PHTF2: variants seen among roughly 807,000 people sequenced by gnomAD.
PHTF2 encodes protein PHTF2.
A neutral mutation model predicts 101.2 loss-of-function variants in PHTF2; 60 were observed. That is an observed-to-expected ratio of 0.59 (90% CI 0.48 to 0.73). The LOEUF is 0.73. Among genes scored for constraint, PHTF2 ranks in the 30% least tolerant of loss-of-function variants. The pLI is 0.00. For synonymous variants in PHTF2, 311 were observed against 307.3 expected (o/e 1.01, Z -0.13); for missense variants, 747 against 908.7 (o/e 0.82, Z 2.29).
chr7:77,832,998 G>GT (rs142839828), intron 1 of PHTF2, among the ~76,000 whole-genome samples: 2 of 152,116 alleles, frequency 1.3e-5, no homozygotes, highest in South Asian at 2.1e-4. Flanking sequence ...TAGGACAATC[G>GT]TAACAGTATA....
intron 1 of PHTF2, among the ~76,000 whole-genome samples, chr7:77,805,739 T>C (rs1288022339): frequency 1.3e-5 from 2 of 152,246 alleles, no homozygotes; most frequent in Non-Finnish European, 2.9e-5. Context: ...TCTAACTTGA[T>C]TTCGCTCTGG....
At chr7:77,934,619 G>A (rs1005957384) in intron 12 of PHTF2, among the ~76,000 whole-genome samples, 4 of 151,992 alleles carry the variant, frequency 2.6e-5, no homozygotes, top group African/African-American at 9.7e-5. Context: ...TGTCTTCAAA[G>A]GTAAAAAAAA....
intron 3 of PHTF2, among the ~76,000 whole-genome samples, chr7:77,855,676 C>T (rs937452381): frequency 6.6e-6 from 1 of 152,126 alleles, no homozygotes; most frequent in African/African-American, 2.4e-5. Flanking sequence ...GGATGATACC[C>T]CTCTGCCTAG....
At chr7:77,904,587 A>T (rs1052674157) in intron 7 of PHTF2, among the ~76,000 whole-genome samples, 1 of 152,194 alleles carries the variant, frequency 6.6e-6, no homozygotes, top group African/African-American at 2.4e-5. Flanking sequence ...TGACTTGTAG[A>T]TGTCCACCTT....
chr7:77,884,453 G>C (rs1799659752), intron 3 of PHTF2, among the ~76,000 whole-genome samples: 1 of 151,916 alleles, frequency 6.6e-6, no homozygotes, highest in African/African-American at 2.4e-5. Context: ...ACTACCCATA[G>C]CTTAGCTCCC....
chr7:77,943,988 C>G (rs886818188), intron 16 of PHTF2, among the ~76,000 whole-genome samples: 1 of 151,794 alleles, frequency 6.6e-6, no homozygotes. Flanking sequence ...GGGGATACAG[C>G]AAGACTCTGT....
chr7:77,953,493 G>A (rs1806730024), intron 18 of PHTF2, among the ~76,000 whole-genome samples: 1 of 152,116 alleles, frequency 6.6e-6, no homozygotes, highest in Non-Finnish European at 1.5e-5. Flanking sequence ...ATTAAAAAAT[G>A]TTCTCTAGCC....
At position 77,884,903 on chromosome 7, in the gene PHTF2, TA is replaced by T. The variant is rs1217046226; in HGVS notation, c.148-8702del. The stretch of plus-strand genomic sequence containing the variant: ...GACAAAGCGAGACTTCGTCTCAAAA[TA>T]AATAAATAAATAAATAAATAAAAAT... On this transcript the variant is annotated intron_variant, in intron 3 of 19. Transcript: ENST00000416283. Among the ~76,000 whole-genome samples, 3 of 93,072 alleles carry T rather than the reference TA, an allele frequency of 3.2e-5. No individual in the cohort carries two copies. The East Asian group carries it at 7.9e-4, about 24-fold the overall frequency. 61.1% of individuals were successfully genotyped at this position (93,072 alleles called of 152,430 possible).
At chr7:77,842,205 ATATT>A (rs1795939653) in intron 2 of PHTF2, among the ~76,000 whole-genome samples, 1 of 152,024 alleles carries the variant, frequency 6.6e-6, no homozygotes, top group Non-Finnish European at 1.5e-5. Context: ...TATTATATAT[ATATT>A]TATTTATTTT....
intron 1 of PHTF2, among the ~76,000 whole-genome samples, chr7:77,814,851 G>C (rs1012523641): frequency 1.3e-5 from 2 of 152,052 alleles, no homozygotes; most frequent in Non-Finnish European, 2.9e-5. Context: ...GAGGCAGGTG[G>C]ATTACTGGAG....
chr7:77,928,774 T>A (rs1344247164), intron 11 of PHTF2, among the ~76,000 whole-genome samples: 2 of 152,232 alleles, frequency 1.3e-5, no homozygotes, highest in African/African-American at 4.8e-5. Context: ...CAGTTAATGT[T>A]CACCGTGCAG....
chr7:77,925,444 T>C (rs991835626), intron 11 of PHTF2, among the ~76,000 whole-genome samples: 1 of 151,514 alleles, frequency 6.6e-6, no homozygotes, highest in African/African-American at 2.4e-5. Flanking sequence ...ACAAATATTG[T>C]AGGTAAAATT....
chr7:77,899,868 A>C (rs573854624), intron 5 of PHTF2, among the ~76,000 whole-genome samples: 1 of 152,234 alleles, frequency 6.6e-6, no homozygotes, highest in Non-Finnish European at 1.5e-5. Flanking sequence ...AGTTTAGCTT[A>C]AGCTCTTGCA....
intron 17 of PHTF2, among the ~76,000 whole-genome samples, chr7:77,950,162 T>C (rs1806415565): frequency 6.6e-6 from 1 of 152,216 alleles, no homozygotes; most frequent in Admixed American, 6.5e-5. Context: ...TTTTACTCAG[T>C]AGAAAGAATA....
At chr7:77,902,837 G>A (rs1417743966) in intron 7 of PHTF2, among the ~76,000 whole-genome samples, 1 of 152,006 alleles carries the variant, frequency 6.6e-6, no homozygotes, top group African/African-American at 2.4e-5. Flanking sequence ...CTGTTATTTA[G>A]ATAAAGTTGT....
chr7:77,949,540 G>A, intron 16 of PHTF2, 138 bp from the exon 16 acceptor site: 1 of 581,524 alleles, frequency 1.7e-6, no homozygotes, highest in Non-Finnish European at 3.0e-6. Context: ...CTTTTGATAT[G>A]CTTAAAATAT....
intron 3 of PHTF2, among the ~76,000 whole-genome samples, chr7:77,859,548 C>A (rs1033873517): frequency 2.1e-5 from 3 of 145,566 alleles, no homozygotes; most frequent in African/African-American, 2.6e-5. Context: ...GTGAGAATTT[C>A]TTTTCTTTCT....
chr7:77,846,673 C>T (rs943470339), intron 2 of PHTF2, among the ~76,000 whole-genome samples: 1 of 147,648 alleles, frequency 6.8e-6, no homozygotes, highest in Non-Finnish European at 1.5e-5. Context: ...CTGCCTATCT[C>T]GCTCTGTCAC....
chr7:77,905,918 G>A (rs1181040419), intron 7 of PHTF2, among the ~76,000 whole-genome samples: 1 of 152,122 alleles, frequency 6.6e-6, no homozygotes, highest in African/African-American at 2.4e-5. Flanking sequence ...CTAGTTCGTA[G>A]GACTTCATTA....
Sources: allele counts gnomAD v4.1 joint callset (sites outside exome capture counted in the v4.1 genomes callset), GRCh38; gene constraint gnomAD v4.1.1; transcripts MANE v1.5; gene names NCBI Gene and HGNC (gene_info 2026-07-23, HGNC 2026-07-21).